VPS26C: variants seen among roughly 807,000 people sequenced by gnomAD.
VPS26C encodes the protein vacuolar protein sorting-associated protein 26C.
A neutral mutation model predicts 30.6 loss-of-function variants in VPS26C; 19 were observed. The ratio of observed to expected loss-of-function variants is 0.62; its 90% CI spans 0.43 to 0.91. VPS26C has a LOEUF of 0.91. Among genes scored for constraint, VPS26C ranks in the 40% least tolerant of loss-of-function variants. The pLI is 0.00. For synonymous variants in VPS26C, 132 were observed against 151.5 expected (o/e 0.87, Z 0.95); for missense variants, 318 against 385.1 (o/e 0.83, Z 1.46).
At chr21:37,265,647 A>G (rs893518466) in intron 1 of VPS26C, among the ~76,000 whole-genome samples, 1 of 152,160 alleles carries the variant, frequency 6.6e-6, no homozygotes, top group Non-Finnish European at 1.5e-5. Flanking sequence ...TGACACTGAT[A>G]TTTCCGAAGA....
intron 1 of VPS26C, among the ~76,000 whole-genome samples, chr21:37,255,876 TAGAG>T (rs1239767366): frequency 2.7e-5 from 4 of 147,336 alleles, no homozygotes; most frequent in African/African-American, 7.5e-5. Flanking sequence ...TTTTTTTAGA[TAGAG>T]GCTGGAGTGC....
At chr21:37,266,477 C>A (rs757730883) in intron 1 of VPS26C, among the ~76,000 whole-genome samples, 2 of 152,076 alleles carry the variant, frequency 1.3e-5, no homozygotes, top group Non-Finnish European at 2.9e-5. Flanking sequence ...GGAACCCAAG[C>A]AATCATATTT....
chr21:37,227,084 G>C (rs1362575383), intron 7 of VPS26C: 2 of 152,488 alleles, frequency 1.3e-5, no homozygotes, highest in South Asian at 2.1e-4. Flanking sequence ...GAACACACAG[G>C]TTCATGGAAA....
chr21:37,247,614 T>C (rs1442975695), intron 1 of VPS26C, among the ~76,000 whole-genome samples: 1 of 152,182 alleles, frequency 6.6e-6, no homozygotes, highest in East Asian at 1.9e-4. Flanking sequence ...GTATGTCATA[T>C]TAACAAATGA....
Position 37,266,108 on chromosome 21 carries a change from A to G in VPS26C, c.57+1130T>C, listed in dbSNP as rs139396170. On this transcript the variant is annotated intron_variant, in intron 1 of 7. Transcript: ENST00000309117. ...AATTTTTGTATTTTTAGTAGAGACC[A>G]GGTTTCACCATGTTGGCCAGGCTGG... is the stretch of plus-strand genomic sequence containing the variant. Among the ~76,000 whole-genome samples, 1,275 of 151,762 alleles carry G rather than the reference A, an allele frequency of 8.4e-3. 11 individuals carry two copies. The highest frequency in any genetic ancestry group is 0.03 in the African/African-American group (1,225 of 41,394).
chr21:37,240,734 G>A, intron 1 of VPS26C, 95 bp from the exon 2 acceptor site: 6 of 1,468,378 alleles, frequency 4.1e-6, no homozygotes, highest in Non-Finnish European at 5.4e-6. Context: ...TCATCAATTT[G>A]TTTAAAGATC....
chr21:37,225,889 A>G, intron 7 of VPS26C: 1 of 527,696 alleles, frequency 1.9e-6, no homozygotes, highest in East Asian at 3.1e-5. Flanking sequence ...ATCAGGCTTC[A>G]CCAACTACAC....
chr21:37,266,877 C>T, intron 1 of VPS26C: 1 of 364,432 alleles, frequency 2.7e-6, no homozygotes, highest in Non-Finnish European at 5.0e-6. Flanking sequence ...GGAGTTTGGT[C>T]GTCAACTCCT....
chr21:37,232,320 G>T, intron 5 of VPS26C, 57 bp downstream of exon 5: 1 of 1,478,306 alleles, frequency 6.8e-7, no homozygotes, highest in Non-Finnish European at 9.4e-7. Context: ...TAGCTAGTCC[G>T]TGGGGTCTGG....
In VPS26C at chr21:37,225,212, A is replaced by G. The variant is rs1404156912; in HGVS notation, c.*332T>C. The stretch of plus-strand genomic sequence containing the variant: ...GTCCCCATGATGCCACTCTCCAGCA[A>G]GCTCAAACTGCTGTCACAATTGTTT... On this transcript the variant is annotated 3_prime_UTR_variant, in exon 8 of 8. Coordinates refer to ENST00000309117, the MANE Select transcript of VPS26C (RefSeq NM_006052.2). 1 of 304,464 alleles carries G rather than the reference A, an allele frequency of 3.3e-6. No homozygotes were observed. Among genetic ancestry groups the G allele is most frequent in the East Asian group, 6.2e-5 (1 of 16,056 alleles). The allele number at this position is 304,464 out of a possible 1,614,324, so 18.9% of individuals were successfully genotyped here.
At position 37,233,159 on chromosome 21, in the gene VPS26C, C is replaced by T. The variant is rs1408197077; in HGVS notation, c.432+203G>A. On this transcript the variant is annotated intron_variant, in intron 4 of 7. Transcript: ENST00000309117. This position sits in a 1 kb window ranked among gnomAD's most constrained non-coding sequence, Gnocchi z 5.2. Reference sequence around the variant, plus strand: ...GTGGAGTCCCTCTGGCCCGCGGCCTCAGCTGGGGGACTCTGGGCCCAGGAC... The same window carrying T: ...GTGGAGTCCCTCTGGCCCGCGGCCTTAGCTGGGGGACTCTGGGCCCAGGAC... The T allele has an allele frequency of 3.7e-6, 2 of 543,018 alleles. No homozygotes were observed. Among genetic ancestry groups the T allele is most frequent in the East Asian group, 5.8e-5 (2 of 34,362 alleles). 33.6% of individuals were successfully genotyped at this position (543,018 alleles called of 1,614,324 possible). A position where few individuals can be genotyped will look rare whatever the true frequency, so the allele number is the denominator to read the frequency against.
At chr21:37,261,232 T>C (rs1034295105) in intron 1 of VPS26C, 3 of 152,248 alleles carry the variant, frequency 2.0e-5, no homozygotes, top group Non-Finnish European at 2.9e-5. Flanking sequence ...CCCATGTTAT[T>C]CTGTTCACTT....
chr21:37,248,274 T>C (rs1195003093), intron 1 of VPS26C, among the ~76,000 whole-genome samples: 1 of 141,150 alleles, frequency 7.1e-6, no homozygotes, highest in Non-Finnish European at 1.5e-5. Context: ...TCAGTGTCCA[T>C]GATATACTTT....
chr21:37,249,050 T>C (rs1028821167), intron 1 of VPS26C, among the ~76,000 whole-genome samples: 2 of 152,166 alleles, frequency 1.3e-5, no homozygotes, highest in Non-Finnish European at 2.9e-5. Context: ...TTATGCATTC[T>C]TGATAAAATT....
chr21:37,235,900 AT>A (rs1301397360), intron 3 of VPS26C, among the ~76,000 whole-genome samples: 9 of 141,692 alleles, frequency 6.4e-5, no homozygotes, highest in African/African-American at 2.1e-4. Context: ...TAATTAAAAA[AT>A]TTTTTTCTTA....
rs1194888794 is a variant in VPS26C at position 37,257,700 on chromosome 21, C to G, written c.57+9538G>C. The stretch of plus-strand genomic sequence containing the variant: ...ACAACCCTGCCTTGCTCATGGTCAG[C>G]CCCAAGCACGGGCGGAAGAAAGGAC... On this transcript the variant is annotated intron_variant, in intron 1 of 7. Transcript: ENST00000309117. The surrounding 1 kb of genome is among the most constrained non-coding windows in gnomAD (Gnocchi z 4.2). Among the ~76,000 whole-genome samples, 1 of 152,096 alleles carries G rather than the reference C, an allele frequency of 6.6e-6. No homozygotes were observed. The highest frequency in any genetic ancestry group is 1.5e-5 in the Non-Finnish European group (1 of 68,022).
chr21:37,256,711 C>G (rs1602285293), intron 1 of VPS26C, among the ~76,000 whole-genome samples: 2 of 152,276 alleles, frequency 1.3e-5, no homozygotes, highest in African/African-American at 4.8e-5. Context: ...GGCTGCTCAC[C>G]ATGTAAACAT....
At chr21:37,236,149 G>A (rs2086021425) in intron 3 of VPS26C, among the ~76,000 whole-genome samples, 1 of 151,882 alleles carries the variant, frequency 6.6e-6, no homozygotes, top group South Asian at 2.1e-4. Flanking sequence ...ATGATATTAG[G>A]GTTTAGCAAC....
intron 1 of VPS26C, among the ~76,000 whole-genome samples, chr21:37,254,386 C>T (rs1210228485): frequency 6.6e-6 from 1 of 152,148 alleles, no homozygotes; most frequent in African/African-American, 2.4e-5. Context: ...TCCCAACCCA[C>T]TTTGGGAGGC....
Sources: allele counts gnomAD v4.1 joint callset (sites outside exome capture counted in the v4.1 genomes callset), GRCh38; gene constraint gnomAD v4.1.1; non-coding constraint Gnocchi (gnomAD v3.1); transcripts MANE v1.5; gene names NCBI Gene and HGNC (gene_info 2026-07-23, HGNC 2026-07-21).